Variants in SMC1B observed in about 807,000 individuals in gnomAD.
The protein encoded by SMC1B is structural maintenance of chromosomes protein 1B.
Under a neutral mutation model 157.9 loss-of-function variants are expected in SMC1B, and 60 were observed. The ratio of observed to expected loss-of-function variants is 0.38; its 90% CI spans 0.31 to 0.47. The LOEUF (loss-of-function observed/expected upper bound fraction) is 0.47. SMC1B is among the 20% of genes least tolerant of loss of function. The pLI is 0.99. For missense variants in SMC1B, 1,165 were observed against 1,426.2 expected (o/e 0.82, Z 2.95); for synonymous variants, 445 against 483.0 (o/e 0.92, Z 1.03).
intron 9 of SMC1B, 90 bp downstream of exon 9, chr22:45,393,544 A>G: frequency 1.1e-6 from 1 of 926,782 alleles, no homozygotes. Context: ...AATAATGGTA[A>G]TATTTCTAAT....
At chr22:45,396,707 CTTAT>C (rs938988743) in intron 6 of SMC1B, among the ~76,000 whole-genome samples, 10 of 151,526 alleles carry the variant, frequency 6.6e-5, no homozygotes, top group Middle Eastern at 3.4e-3. Context: ...ATATTTGAAA[CTTAT>C]TTATTTATTT....
At chr22:45,349,342 GTTTT>G (rs1237927486) in intron 23 of SMC1B, among the ~76,000 whole-genome samples, 1 of 142,770 alleles carries the variant, frequency 7.0e-6, no homozygotes, top group Non-Finnish European at 1.5e-5. Context: ...GTTTTGTTTT[GTTTT>G]GTTTTTTTGA....
chr22:45,404,412 C>T (rs2087233636), intron 4 of SMC1B, among the ~76,000 whole-genome samples: 1 of 152,234 alleles, frequency 6.6e-6, no homozygotes, highest in South Asian at 2.1e-4. Context: ...AAAAAATCTA[C>T]ATTCTGTAGA....
chr22:45,399,241 C>G lies in SMC1B; in HGVS notation c.967G>C (p.Glu323Gln). 1 of 1,614,024 alleles carries G rather than the reference C, an allele frequency of 6.2e-7. No individual in the cohort carries two copies. The highest frequency in any genetic ancestry group is 1.3e-5 in the African/African-American group (1 of 75,042). ...DVAKKSIKDSEKQCSKQEDDI... is the reference protein window; with the variant it reads ...DVAKKSIKDSQKQCSKQEDDI... ...TCTTCCTGTTTAGAACATTGTTTTTCGCTGTCCTTTATTGATTTCTTAGCC... is the reference window on the plus strand; with the variant it reads ...TCTTCCTGTTTAGAACATTGTTTTTGGCTGTCCTTTATTGATTTCTTAGCC... Residue 323 changes from glutamate to glutamine, a missense_variant, in exon 6 of 25, where the codon GAA becomes CAA. Coordinates refer to ENST00000357450, the MANE Select transcript of SMC1B (RefSeq NM_148674.5).
At chr22:45,360,994 C>CA (rs1217869632) in intron 17 of SMC1B, among the ~76,000 whole-genome samples, 8 of 147,312 alleles carry the variant, frequency 5.4e-5, no homozygotes, top group African/African-American at 2.0e-4. Context: ...TTTTTTGAGA[C>CA]AGAGTTTCAC....
chr22:45,405,278 T>C (rs1161564262), intron 4 of SMC1B, among the ~76,000 whole-genome samples: 1 of 152,024 alleles, frequency 6.6e-6, no homozygotes, highest in Non-Finnish European at 1.5e-5. Context: ...ACAAGATTCT[T>C]GGCCAGGCGC....
intron 5 of SMC1B, 71 bp from the exon 6 acceptor site, chr22:45,399,424 T>G (rs2087166468): frequency 7.3e-7 from 1 of 1,372,250 alleles, no homozygotes; most frequent in African/African-American, 1.5e-5. Context: ...GAAGTTGTTT[T>G]GATCAAACCA....
rs752171770 is a variant in SMC1B at position 45,408,700 on chromosome 22, A to T, written c.298+10T>A. 2.1e-5 allele frequency: 32 copies of T among 1,548,134 alleles called. No homozygotes were observed. The African/African-American group carries it at 2.8e-4, about 14-fold the overall frequency. On this transcript the variant is annotated intron_variant, in intron 2 of 24. Transcript: ENST00000357450. ...GAAAAATAAAATGAAAAAAAATTAT[A>T]AAAAAATACCTCGGATAATCCTTGC...
In SMC1B at chr22:45,369,999, A is replaced by T; in HGVS notation, c.2375T>A (p.Phe792Tyr). 3 of 1,599,060 alleles carry T rather than the reference A, an allele frequency of 1.9e-6. No homozygotes were observed. Among genetic ancestry groups the T allele is most frequent in the Non-Finnish European group, 1.7e-6 (2 of 1,172,864 alleles). ...TTGCCGTTTAACATGTTTGTTCTCAAATTCACGAATATTTTCCACGCCAAT... is the reference window on the plus strand; with the variant it reads ...TTGCCGTTTAACATGTTTGTTCTCATATTCACGAATATTTTCCACGCCAAT... ...EEIGVENIRE[F>Y]ENKHVKRQQE... The change falls in exon 15 of 25, where the codon TTT (phenylalanine) becomes TAT (tyrosine). Residue 792 changes from phenylalanine (F) to tyrosine (Y), a missense_variant. By Grantham distance (22) the Phe-to-Tyr change is conservative. Coordinates refer to ENST00000357450, the MANE Select transcript of SMC1B (RefSeq NM_148674.5).
At chr22:45,370,291 T>A (rs1323020601) in intron 14 of SMC1B, among the ~76,000 whole-genome samples, 1 of 152,220 alleles carries the variant, frequency 6.6e-6, no homozygotes, top group East Asian at 1.9e-4. Flanking sequence ...ATTGGCCTTA[T>A]TAAGTGCTTT....
chr22:45,377,710 T>A (rs932833524), intron 12 of SMC1B, among the ~76,000 whole-genome samples: 3 of 152,152 alleles, frequency 2.0e-5, no homozygotes, highest in African/African-American at 7.2e-5. Flanking sequence ...TTTTTGTTTA[T>A]TTTTAAATAG....
chr22:45,413,373 A>T (rs2087376746), intron 1 of SMC1B, 86 bp downstream of exon 1: 2 of 1,065,460 alleles, frequency 1.9e-6, no homozygotes, highest in Admixed American at 5.7e-5. Flanking sequence ...CGCCCGCGGC[A>T]GACGCCCACA....
chr22:45,360,606 A>C (rs2086712240), intron 17 of SMC1B, among the ~76,000 whole-genome samples: 1 of 152,028 alleles, frequency 6.6e-6, no homozygotes, highest in African/African-American at 2.4e-5. Flanking sequence ...TAAGCCCAGA[A>C]GTTTGAGACC....
At chr22:45,401,749 A>G (rs1205827285) in intron 5 of SMC1B, among the ~76,000 whole-genome samples, 4 of 152,168 alleles carry the variant, frequency 2.6e-5, no homozygotes, top group African/African-American at 9.7e-5. Flanking sequence ...TGCATGAGAA[A>G]GCTTTTCTCT....
intron 19 of SMC1B, among the ~76,000 whole-genome samples, chr22:45,358,108 A>G (rs2086687032): frequency 6.6e-6 from 1 of 152,178 alleles, no homozygotes; most frequent in Non-Finnish European, 1.5e-5. Flanking sequence ...ACCACACAAG[A>G]GATGCTGGGA....
In SMC1B at chr22:45,408,713, G is replaced by C; in HGVS notation, c.295C>G (p.Arg99Gly). 1 of 1,575,538 alleles carries C rather than the reference G, an allele frequency of 6.3e-7. No homozygotes were observed. Among genetic ancestry groups the C allele is most frequent in the Non-Finnish European group, 8.6e-7 (1 of 1,164,856 alleles). Residue 99 changes from arginine to glycine, a missense_variant, in exon 2 of 25, where the codon CGA becomes GGA. Physicochemically the swap from Arg to Gly is moderately radical, Grantham distance 125. Coordinates refer to ENST00000357450, the MANE Select transcript of SMC1B (RefSeq NM_148674.5). ...GEEKTFARII[R>G]GGCSEFRFND... ...AAAAAAAATTATAAAAAAATACCTC[G>C]GATAATCCTTGCAAATGTTTTCTCT...
chr22:45,390,946 A>T (rs529347750), intron 9 of SMC1B, among the ~76,000 whole-genome samples: 2 of 152,248 alleles, frequency 1.3e-5, no homozygotes, highest in African/African-American at 4.8e-5. Context: ...ATAAACCATC[A>T]CTGTCTTTGC....
Position 45,377,800 on chromosome 22 carries a change from T to G in SMC1B, c.2059-5508A>C, listed in dbSNP as rs572759543. Among the ~76,000 whole-genome samples, 136 of 151,976 alleles carry G rather than the reference T, an allele frequency of 8.9e-4. 3 individuals are homozygous for G. The highest frequency in any genetic ancestry group is 8.2e-3 in the East Asian group (42 of 5,142). On this transcript the variant is annotated intron_variant, in intron 12 of 24. Coordinates refer to ENST00000357450, the MANE Select transcript of SMC1B (RefSeq NM_148674.5). ...ATCCTCCTGCCTTGGCTTCCCAAAG[T>G]GCTGAGATTACAGGCAAAAGCCACC...
At chr22:45,347,651 A>G (rs1413658926) in intron 23 of SMC1B, among the ~76,000 whole-genome samples, 3 of 152,146 alleles carry the variant, frequency 2.0e-5, no homozygotes, top group African/African-American at 7.2e-5. Flanking sequence ...ACAAGGTCTC[A>G]CTATGTTGCT....
Sources: allele counts gnomAD v4.1 joint callset (sites outside exome capture counted in the v4.1 genomes callset), GRCh38; gene constraint gnomAD v4.1.1; transcripts MANE v1.5; gene names NCBI Gene and HGNC (gene_info 2026-07-23, HGNC 2026-07-21).